Variants in CDH4 observed in about 807,000 individuals in gnomAD.
CDH4 encodes the protein cadherin-4.
CDH4 carries 33 observed loss-of-function variants against 86.0 expected under a neutral mutation model. That is an observed-to-expected ratio of 0.38 (90% CI 0.29 to 0.51). The LOEUF is 0.51. CDH4 is among the 20% of genes least tolerant of loss of function. CDH4 has a pLI of 0.86. For synonymous variants in CDH4, 555 were observed against 549.4 expected, an observed-to-expected ratio of 1.01 and a Z score of -0.14; for missense variants, 1,114 against 1,307.4, an observed-to-expected ratio of 0.85 and a Z score of 2.28.
chr20:61,389,722 G>T (rs1234151237), intron 2 of CDH4, among the ~76,000 whole-genome samples: 1 of 145,056 alleles, frequency 6.9e-6, no homozygotes, highest in Non-Finnish European at 1.5e-5. Flanking sequence ...CCTGGTGGGT[G>T]GGGGCTGGGG....
intron 2 of CDH4, among the ~76,000 whole-genome samples, chr20:61,284,860 C>T (rs2084284395): frequency 6.6e-6 from 1 of 152,196 alleles, no homozygotes; most frequent in African/African-American, 2.4e-5. Context: ...GACCCACTCA[C>T]CTCTGTGACG....
chr20:61,618,468 G>C (rs2086743655), intron 2 of CDH4, among the ~76,000 whole-genome samples: 1 of 152,188 alleles, frequency 6.6e-6, no homozygotes, highest in African/African-American at 2.4e-5. Context: ...AGACTGGTTT[G>C]ATGGTGGCAC....
intron 3 of CDH4, among the ~76,000 whole-genome samples, chr20:61,764,657 G>A (rs1018098763): frequency 6.6e-5 from 10 of 152,258 alleles, no homozygotes; most frequent in African/African-American, 2.2e-4. Flanking sequence ...GGGCTTTGTC[G>A]TGCATCCGCC....
chr20:61,610,653 C>T (rs1043776635), intron 2 of CDH4, among the ~76,000 whole-genome samples: 18 of 152,210 alleles, frequency 1.2e-4, no homozygotes, highest in African/African-American at 3.4e-4. Context: ...GCCTCCTTGC[C>T]GGCAGGATTT....
intron 2 of CDH4, among the ~76,000 whole-genome samples, chr20:61,271,949 G>A (rs1402344177): frequency 6.6e-6 from 1 of 152,230 alleles, no homozygotes; most frequent in Admixed American, 6.5e-5. Flanking sequence ...GGGGCAGGGT[G>A]GGCAGGGAGC....
In CDH4 at chr20:61,789,632, G is replaced by A. The variant is rs6061355; in HGVS notation, c.576+16450G>A. Among the ~76,000 whole-genome samples, 155 of 152,300 alleles carry A rather than the reference G, an allele frequency of 1.0e-3. 4 individuals are homozygous for A. The highest frequency in any genetic ancestry group is 4.4e-3 in the East Asian group (23 of 5,174). ...TGCTCCGTGTTTTCAGCAGAAAATC[G>A]TTCCTCATGTCGCTGCGTGCATGAG... On this transcript the variant is annotated intron_variant, in intron 4 of 15. Transcript: ENST00000614565.
intron 2 of CDH4, among the ~76,000 whole-genome samples, chr20:61,649,970 G>C (rs1302821064): frequency 6.6e-6 from 1 of 152,172 alleles, no homozygotes; most frequent in African/African-American, 2.4e-5. Context: ...AGAGGATGCC[G>C]GGCCTTCTGC....
At chr20:61,882,222 A>G (rs6089537) in intron 7 of CDH4, among the ~76,000 whole-genome samples, 48,080 of 152,206 alleles carry the variant, frequency 0.32, 9,666 homozygotes, top group Non-Finnish European at 0.45. Flanking sequence ...CTTTATTGGC[A>G]CACAGCGTGG....
At chr20:61,297,037 C>T (rs1472686513) in intron 2 of CDH4, among the ~76,000 whole-genome samples, 1 of 152,172 alleles carries the variant, frequency 6.6e-6, no homozygotes, top group African/African-American at 2.4e-5. Flanking sequence ...TTCAGAGGAG[C>T]AGTTCTGTCT....
chr20:61,651,687 C>T (rs2087122565), intron 2 of CDH4, among the ~76,000 whole-genome samples: 1 of 152,172 alleles, frequency 6.6e-6, no homozygotes, highest in South Asian at 2.1e-4. Context: ...GCACCAACCT[C>T]CTCTCCTCCA....
intron 2 of CDH4, among the ~76,000 whole-genome samples, chr20:61,287,466 C>A (rs1372468947): frequency 1.3e-5 from 2 of 152,132 alleles, no homozygotes; most frequent in East Asian, 3.9e-4. Flanking sequence ...CAGAACGAGA[C>A]CCTGTCTCAA....
At chr20:61,478,137 C>T (rs1468537377) in intron 2 of CDH4, among the ~76,000 whole-genome samples, 1 of 152,166 alleles carries the variant, frequency 6.6e-6, no homozygotes, top group Non-Finnish European at 1.5e-5. Flanking sequence ...AACGCCACCC[C>T]ACACAACAAA....
At chr20:61,499,153 G>A (rs549562828) in intron 2 of CDH4, among the ~76,000 whole-genome samples, 6 of 152,356 alleles carry the variant, frequency 3.9e-5, no homozygotes, top group African/African-American at 1.2e-4. Context: ...CACTGTGGCT[G>A]TGGAGGTCAG....
chr20:61,318,167 A>G (rs944165142), intron 2 of CDH4, among the ~76,000 whole-genome samples: 14 of 152,116 alleles, frequency 9.2e-5, no homozygotes, highest in African/African-American at 3.4e-4. Flanking sequence ...AGGGGAACTC[A>G]CCATCCTAAT....
chr20:61,467,848 T>C (rs904031001), intron 2 of CDH4, among the ~76,000 whole-genome samples: 2 of 152,188 alleles, frequency 1.3e-5, no homozygotes, highest in African/African-American at 4.8e-5. Context: ...TCGATAATTC[T>C]CTAGGAGGAC....
At chr20:61,282,637 A>T (rs6071565) in intron 2 of CDH4, among the ~76,000 whole-genome samples, 78,174 of 151,710 alleles carry the variant, frequency 0.52, 21,191 homozygotes, top group East Asian at 0.73. Context: ...TACACATGTA[A>T]TGTGTTCATA....
chr20:61,906,451 G>A (rs529339413), intron 8 of CDH4, among the ~76,000 whole-genome samples: 389 of 152,366 alleles, frequency 2.6e-3, no homozygotes, highest in African/African-American at 8.7e-3. Context: ...GAGCGGCATG[G>A]TCCTGCTCAA....
chr20:61,387,299 T>C (rs1441422951), intron 2 of CDH4, among the ~76,000 whole-genome samples: 4 of 145,262 alleles, frequency 2.8e-5, no homozygotes, highest in Admixed American at 2.7e-4. Flanking sequence ...CACACAAACA[T>C]ACACATACAT....
At chr20:61,415,694 G>A (rs113601236) in intron 2 of CDH4, among the ~76,000 whole-genome samples, 41 of 152,222 alleles carry the variant, frequency 2.7e-4, no homozygotes, top group Admixed American at 9.2e-4. Context: ...ATGTTATAGC[G>A]AGTGTCAGAA....
Sources: gnomAD v4.1 joint callset for allele counts (sites outside exome capture counted in the v4.1 genomes callset) on GRCh38, gnomAD v4.1.1 for gene constraint, MANE v1.5 for transcripts, NCBI Gene and HGNC (gene_info 2026-07-23, HGNC 2026-07-21) for gene names.